The following ZNF214 variants were observed in gnomAD, a reference collection of about 807,000 sequenced individuals.
The protein encoded by ZNF214 is zinc finger protein 214.
ZNF214 carries 43 observed loss-of-function variants against 53.9 expected under a neutral mutation model. The ratio of observed to expected loss-of-function variants is 0.80; its 90% confidence interval spans 0.63 to 1.03. The LOEUF (loss-of-function observed/expected upper bound fraction) is 1.03. Ranked by LOEUF, ZNF214 falls within the 50% of genes least tolerant of loss-of-function variation. The pLI, the probability that ZNF214 is intolerant of heterozygous loss-of-function variation, is 0.00. For synonymous variants in ZNF214, 217 were observed against 229.5 expected (o/e 0.95, Z 0.49); for missense variants, 724 against 719.1 (o/e 1.01, Z -0.08).
intron 1 of ZNF214, among the ~76,000 whole-genome samples, chr11:7,017,249 C>G (rs1233347790): frequency 6.6e-6 from 1 of 152,164 alleles, no homozygotes; most frequent in Admixed American, 6.5e-5. Context: ...AAGATAGAAT[C>G]ATTCATCAAA....
Position 6,999,923 on chromosome 11 carries a change from T to C in ZNF214, c.1760A>G (p.Tyr587Cys), listed in dbSNP as rs757034571. The C allele has an allele frequency of 3.1e-6, 5 of 1,612,702 alleles. No homozygotes were observed. The East Asian group carries it at 6.7e-5, about 22-fold the overall frequency. ...AGEKPYKCRE[Y>C]YKGFDHNSHL... Reference sequence around the variant, plus strand: ...TGAATTATGATCAAATCCCTTATAATATTCACGGCATTTGTAAGGTTTCTC... The same window carrying C: ...TGAATTATGATCAAATCCCTTATAACATTCACGGCATTTGTAAGGTTTCTC... The change falls in exon 3 of 3, where the codon TAT becomes TGT. Residue 587 changes from tyrosine (Y) to cysteine (C), a missense_variant. Physicochemically the swap from Tyr to Cys is radical, Grantham distance 194 (BLOSUM62 -2). Transcript: ENST00000278314.
At chr11:7,004,935 T>C (rs2133390340) in intron 1 of ZNF214, among the ~76,000 whole-genome samples, 1 of 152,208 alleles carries the variant, frequency 6.6e-6, no homozygotes, top group Non-Finnish European at 1.5e-5. Flanking sequence ...TATTAAATAA[T>C]TTGTTATGCA....
Position 6,998,109 on chromosome 11 carries a change from G to A in ZNF214, c.*1753C>T, listed in dbSNP as rs72848584. On this transcript the variant is annotated 3_prime_UTR_variant, in exon 3 of 3. Transcript: ENST00000278314. Reference sequence around the variant, plus strand: ...TCCTGCACATATGAAAGACACTTTTGTTATAAAACTGGTGATAATAAACTT... The same window carrying A: ...TCCTGCACATATGAAAGACACTTTTATTATAAAACTGGTGATAATAAACTT... Among the ~76,000 whole-genome samples the A allele has an allele frequency of 0.019, 2,882 of 151,946 alleles. 46 individuals carry two copies. Among genetic ancestry groups the A allele is most frequent in the Non-Finnish European group, 0.026 (1,752 of 67,840 alleles).
chr11:7,011,995 A>G (rs76522093), intron 1 of ZNF214, among the ~76,000 whole-genome samples: 2,315 of 152,296 alleles, frequency 0.015, 70 homozygotes, highest in African/African-American at 0.052. Flanking sequence ...GGATGCAGTA[A>G]CTTAAATTCA....
rs1564989993 is a variant in ZNF214 at position 7,000,701 on chromosome 11, C to T, written c.982G>A (p.Glu328Lys). 2 of 1,605,398 alleles carry T rather than the reference C, an allele frequency of 1.2e-6. No homozygotes were observed. Among genetic ancestry groups the T allele is most frequent in the Non-Finnish European group, 1.7e-6 (2 of 1,177,506 alleles). Residue 328 changes from glutamate (E) to lysine (K), a missense_variant, in exon 3 of 3, where the codon GAG becomes AAG. Transcript: ENST00000278314. Reference protein sequence around the residue: ...LHNHQRVHTEEKFYKIECDKD... With the variant: ...LHNHQRVHTEKKFYKIECDKD... Reference sequence around the variant, plus strand: ...TCACACTCAATTTTATAGAATTTCTCTTCTGTGTGGACTCTTTGATGATTG... The same window carrying T: ...TCACACTCAATTTTATAGAATTTCTTTTCTGTGTGGACTCTTTGATGATTG...
chr11:7,004,411 A>G (rs1413877961), intron 1 of ZNF214, among the ~76,000 whole-genome samples: 3 of 151,416 alleles, frequency 2.0e-5, no homozygotes, highest in Admixed American at 6.6e-5. Flanking sequence ...CCACTTCAGT[A>G]CAGGTAGACC....
intron 1 of ZNF214, among the ~76,000 whole-genome samples, chr11:7,016,686 G>C (rs930273240): frequency 6.6e-6 from 1 of 152,116 alleles, no homozygotes; most frequent in African/African-American, 2.4e-5. Context: ...ATATGAAAAG[G>C]TAGCACCACA....
In ZNF214 at chr11:7,008,756, T is replaced by C. The variant is rs140972430; in HGVS notation, c.-20-5901A>G. Among the ~76,000 whole-genome samples, 1,133 of 152,246 alleles carry C rather than the reference T, an allele frequency of 7.4e-3. 12 individuals are homozygous for C. The highest frequency in any genetic ancestry group is 0.02 in the African/African-American group (833 of 41,560). ...GGAAAGTTTCAGGATACGAAACCAA[T>C]ATACAAAATTCAGTAGCATTTCTAT... On this transcript the variant is annotated intron_variant, in intron 1 of 2. Coordinates refer to ENST00000278314, the MANE Select transcript of ZNF214 (RefSeq NM_013249.4).
intron 1 of ZNF214, among the ~76,000 whole-genome samples, chr11:7,004,449 T>G (rs186380215): frequency 1.3e-5 from 2 of 152,190 alleles, no homozygotes; most frequent in East Asian, 3.9e-4. Context: ...TTTTTAAACA[T>G]GCCCACAAAT....
At position 7,000,546 on chromosome 11, in the gene ZNF214, G is replaced by A; in HGVS notation, c.1137C>T (p.Val379=). ...RSSVLHVHQR[V]HTGEKPYKCD... ...ACTTATATGGTTTTTCTCCTGTGTG[G>A]ACTCTCTGATGAACATGAAGTACTG... Residue 379 remains valine, a synonymous_variant, in exon 3 of 3, where the codon GTC becomes GTT. Transcript: ENST00000278314. 6.2e-7 allele frequency: 1 copy of A among 1,611,956 alleles called. No individual in the cohort carries two copies. Among genetic ancestry groups the A allele is most frequent in the Non-Finnish European group, 8.5e-7 (1 of 1,179,080 alleles).
intron 1 of ZNF214, among the ~76,000 whole-genome samples, chr11:7,013,628 C>A (rs1482756156): frequency 3.3e-5 from 5 of 152,202 alleles, no homozygotes; most frequent in African/African-American, 1.2e-4. Flanking sequence ...AGCCTCCGTA[C>A]AATAGCGATG....
intron 1 of ZNF214, among the ~76,000 whole-genome samples, chr11:7,014,931 G>A (rs1008368639): frequency 7.2e-5 from 11 of 151,730 alleles, no homozygotes; most frequent in Non-Finnish European, 1.2e-4. Context: ...AACAGTGTAT[G>A]CCGAGTTCAA....
At position 7,001,494 on chromosome 11, in the gene ZNF214, A is replaced by T. The variant is rs1007477925; in HGVS notation, c.189T>A (p.Asn63Lys). 1.2e-6 allele frequency: 2 copies of T among 1,611,674 alleles called. No individual in the cohort carries two copies. Among genetic ancestry groups the T allele is most frequent in the Admixed American group, 3.4e-5 (2 of 59,652 alleles). Residue 63 changes from asparagine (N) to lysine (K), a missense_variant, in exon 3 of 3, where the codon AAT becomes AAA. Physicochemically the swap from Asn to Lys is moderately conservative, Grantham distance 94 (BLOSUM62 0). Transcript: ENST00000278314. ...TCCACCAGCCTTGCCAGTAGGAAAA[A>T]TTTTCATATTCTAAGTATCTGAATT... Reference protein sequence around the residue: ...EEKFRYLEYENFSYWQGWWNA... With the variant: ...EEKFRYLEYEKFSYWQGWWNA...
chr11:7,013,810 T>C (rs1851676482), intron 1 of ZNF214, among the ~76,000 whole-genome samples: 1 of 152,230 alleles, frequency 6.6e-6, no homozygotes, highest in South Asian at 2.1e-4. Context: ...TATTATATCA[T>C]GGTAAAGTGG....
chr11:7,000,457 G>A lies in ZNF214; in HGVS notation c.1226C>T (p.Thr409Ile). The change falls in exon 3 of 3, where the codon ACA becomes ATA. Residue 409 changes from threonine (T) to isoleucine (I), a missense_variant. Thr to Ile is a moderately conservative substitution (Grantham distance 89, BLOSUM62 -1). Coordinates refer to ENST00000278314, the MANE Select transcript of ZNF214 (RefSeq NM_013249.4). ...TTCACATTTATAAGACTTCTCTCCTGTGTGTACTAACTGATGAATTCGAAG... is the reference window on the plus strand; with the variant it reads ...TTCACATTTATAAGACTTCTCTCCTATGTGTACTAACTGATGAATTCGAAG... The part of the protein sequence containing the change: ...SNLRIHQLVH[T>I]GEKSYKCEDC... The A allele has an allele frequency of 1.2e-6, 2 of 1,613,344 alleles. No individual in the cohort carries two copies. The highest frequency in any genetic ancestry group is 1.7e-6 in the Non-Finnish European group (2 of 1,179,570).
Position 6,997,235 on chromosome 11 carries a change from A to C in ZNF214, c.*2627T>G, listed in dbSNP as rs995216188. On this transcript the variant is annotated 3_prime_UTR_variant, in exon 3 of 3. Transcript: ENST00000278314. ...TTGCCCAACTTAATGAGTTTAAATT[A>C]GTGCACTTTTCACCTTTAAAAACAT... Among the ~76,000 whole-genome samples, 2 of 151,908 alleles carry C rather than the reference A, an allele frequency of 1.3e-5. No homozygotes were observed. The highest frequency in any genetic ancestry group is 4.8e-5 in the African/African-American group (2 of 41,416).
chr11:7,001,478 C>T lies in ZNF214; in HGVS notation c.205G>A (p.Gly69Ser), dbSNP rs1422859150. Residue 69 changes from glycine to serine, a missense_variant, in exon 3 of 3, where the codon GGC becomes AGC. Transcript: ENST00000278314. ...LEYENFSYWQ[G>S]WWNAGAQMYE... is the part of the protein sequence containing the mutation. ...ATCTGGGCGCCAGCATTCCACCAGCCTTGCCAGTAGGAAAAATTTTCATAT... is the reference window on the plus strand; with the variant it reads ...ATCTGGGCGCCAGCATTCCACCAGCTTTGCCAGTAGGAAAAATTTTCATAT... 1.9e-6 allele frequency: 3 copies of T among 1,612,662 alleles called. No individual in the cohort carries two copies. Among genetic ancestry groups the T allele is most frequent in the Non-Finnish European group, 2.5e-6 (3 of 1,179,194 alleles).
Position 6,999,930 on chromosome 11 carries a change from G to T in ZNF214, c.1753C>A (p.Arg585Ser), listed in dbSNP as rs570929738. 3 of 1,612,692 alleles carry T rather than the reference G, an allele frequency of 1.9e-6. No individual in the cohort carries two copies. The highest frequency in any genetic ancestry group is 2.5e-6 in the Non-Finnish European group (3 of 1,179,262). Reference protein sequence around the residue: ...VHAGEKPYKCREYYKGFDHNS... With the variant: ...VHAGEKPYKCSEYYKGFDHNS... ...TGATCAAATCCCTTATAATATTCAC[G>T]GCATTTGTAAGGTTTCTCTCCTGCA... The change falls in exon 3 of 3, where the codon CGT becomes AGT. Residue 585 changes from arginine (R) to serine (S), a missense_variant. Coordinates refer to ENST00000278314, the MANE Select transcript of ZNF214 (RefSeq NM_013249.4).
In ZNF214 at chr11:7,007,495, CTT is replaced by C. The variant is rs543611630; in HGVS notation, c.-20-4642_-20-4641del. Among the ~76,000 whole-genome samples the C allele has an allele frequency of 9.2e-5, 14 of 151,640 alleles. No homozygotes were observed. In the South Asian group the frequency reaches 2.5e-3, roughly 27 times the overall value. ...ATCAAAAGAAAGCTGAAATAGCAAA[CTT>C]AATTTCAGATGAGTAAAATTTATGG... On this transcript the variant is annotated intron_variant, in intron 1 of 2. Coordinates refer to ENST00000278314, the MANE Select transcript of ZNF214 (RefSeq NM_013249.4).
Sources: allele counts gnomAD v4.1 joint callset (sites outside exome capture counted in the v4.1 genomes callset), GRCh38; gene constraint gnomAD v4.1.1; transcripts MANE v1.5; gene names NCBI Gene and HGNC (gene_info 2026-07-23, HGNC 2026-07-21).